Variants in BCAT1 observed in about 807,000 individuals in gnomAD.
BCAT1 encodes the protein branched chain amino acid transaminase 1, also known as branched-chain-amino-acid aminotransferase, cytosolic.
A neutral mutation model predicts 52.4 loss-of-function variants in BCAT1; 48 were observed. That is an observed-to-expected ratio of 0.92 (90% CI 0.73 to 1.16). The LOEUF is 1.16. Among genes scored for constraint, BCAT1 ranks in the 50% most tolerant of loss-of-function variants. The probability of loss-of-function intolerance (pLI) is 0.00; values close to 1 mark genes in which losing one functional copy is unlikely to be tolerated. For missense variants in BCAT1, 451 were observed against 457.1 expected, an observed-to-expected ratio of 0.99 and a Z score of 0.12; for synonymous variants, 167 against 161.3, an observed-to-expected ratio of 1.04 and a Z score of -0.27.
chr12:24,927,338 A>T (rs954324763), intron 1 of BCAT1, among the ~76,000 whole-genome samples: 7 of 152,150 alleles, frequency 4.6e-5, no homozygotes, highest in Non-Finnish European at 1.0e-4. Flanking sequence ...GAAAAGAAAA[A>T]AATCAAGTTA....
At chr12:24,949,125 A>T (rs1943984166), upstream of BCAT1, 9 of 593,350 alleles carry the variant, frequency 1.5e-5, no homozygotes, top group Non-Finnish European at 2.7e-5. Context: ...CGCGGCGGAG[A>T]CTCGCGACCT....
intron 1 of BCAT1, among the ~76,000 whole-genome samples, chr12:24,936,693 T>C (rs964849482): frequency 6.6e-6 from 1 of 150,412 alleles, no homozygotes; most frequent in Non-Finnish European, 1.5e-5. Context: ...GATCAAGTAA[T>C]GGAGCTCTTT....
chr12:24,849,862 T>TA lies in BCAT1; in HGVS notation c.597dup (p.Asn200Ter), dbSNP rs1481546325. On this transcript the variant is annotated frameshift_variant, in exon 6 of 11. Coordinates refer to ENST00000261192, the MANE Select transcript of BCAT1 (RefSeq NM_005504.7). LOFTEE classifies it high-confidence loss of function. The stretch of plus-strand genomic sequence containing the variant: ...GGATTGGCCCACAGGGACACTGGAT[T>TA]AAAGGTTCCACTTGAAAAATAAGGT... 3.1e-6 allele frequency: 5 copies of TA among 1,613,708 alleles called. No homozygotes were observed. Among genetic ancestry groups the TA allele is most frequent in the Non-Finnish European group, 4.2e-6 (5 of 1,179,786 alleles).
intron 1 of BCAT1, chr12:24,945,869 G>A (rs949558355): frequency 5.9e-5 from 9 of 152,072 alleles, no homozygotes; most frequent in African/African-American, 1.7e-4. Flanking sequence ...AGAAAGTAGA[G>A]GATAGCTGGC....
chr12:24,921,363 C>T (rs1056783241), intron 1 of BCAT1, among the ~76,000 whole-genome samples: 2 of 152,180 alleles, frequency 1.3e-5, no homozygotes, highest in Admixed American at 1.3e-4. Flanking sequence ...TTCCTCAGAT[C>T]GCTAGAGCAG....
chr12:24,877,069 T>C (rs1212121799), intron 5 of BCAT1, among the ~76,000 whole-genome samples: 1 of 152,184 alleles, frequency 6.6e-6, no homozygotes, highest in East Asian at 1.9e-4. Context: ...ATTCACGAAA[T>C]TCATTATCTA....
At chr12:24,922,687 A>G (rs1943515558) in intron 1 of BCAT1, among the ~76,000 whole-genome samples, 1 of 152,078 alleles carries the variant, frequency 6.6e-6, no homozygotes, top group Non-Finnish European at 1.5e-5. Context: ...CCTGGCCAAC[A>G]TGGTGAAACC....
intron 6 of BCAT1, among the ~76,000 whole-genome samples, chr12:24,844,363 G>A (rs1013602236): frequency 1.3e-5 from 2 of 151,974 alleles, no homozygotes; most frequent in Non-Finnish European, 2.9e-5. Flanking sequence ...CTCGGGAGGC[G>A]GAGGTTGCAG....
At chr12:24,947,721 C>T (rs1394407521) in intron 1 of BCAT1, among the ~76,000 whole-genome samples, 1 of 152,176 alleles carries the variant, frequency 6.6e-6, no homozygotes, top group African/African-American at 2.4e-5. Flanking sequence ...GCGTAATTAA[C>T]CACAACTGCA....
chr12:24,888,902 T>C (rs1942760536), intron 3 of BCAT1, among the ~76,000 whole-genome samples: 1 of 152,200 alleles, frequency 6.6e-6, no homozygotes, highest in South Asian at 2.1e-4. Context: ...CGGCTCCATC[T>C]TCCCTTCTCT....
chr12:24,871,469 C>T (rs1197804919), intron 5 of BCAT1, among the ~76,000 whole-genome samples: 1 of 152,152 alleles, frequency 6.6e-6, no homozygotes, highest in Non-Finnish European at 1.5e-5. Context: ...ACAATGAAAT[C>T]TGTAGGACAA....
chr12:24,871,682 G>T (rs1224490831), intron 5 of BCAT1, among the ~76,000 whole-genome samples: 1 of 152,096 alleles, frequency 6.6e-6, no homozygotes, highest in East Asian at 1.9e-4. Context: ...CATGAATCAG[G>T]AGCATAATTA....
intron 1 of BCAT1, among the ~76,000 whole-genome samples, chr12:24,942,857 T>C (rs1423756788): frequency 6.6e-6 from 1 of 152,258 alleles, no homozygotes; most frequent in African/African-American, 2.4e-5. Context: ...CTATACACCT[T>C]AGATCTTGAT....
chr12:24,880,777 C>G (rs927426866), intron 4 of BCAT1, among the ~76,000 whole-genome samples: 1 of 151,946 alleles, frequency 6.6e-6, no homozygotes, highest in East Asian at 1.9e-4. Context: ...GAATCCCCCA[C>G]AGACACTGAT....
chr12:24,898,519 A>AATTTTT, intron 2 of BCAT1, among the ~76,000 whole-genome samples: 1 of 24,036 alleles, frequency 4.2e-5, no homozygotes, highest in Admixed American at 5.5e-4. Flanking sequence ...TTCAGTCAAC[A>AATTTTT]CTTTTTTTTT....
intron 10 of BCAT1, among the ~76,000 whole-genome samples, chr12:24,827,927 C>G (rs181885262): frequency 4.6e-5 from 7 of 152,094 alleles, no homozygotes; most frequent in Non-Finnish European, 7.4e-5. Flanking sequence ...TTTTATTTCC[C>G]TTTTTTTAGA....
chr12:24,874,249 G>T (rs1245592158), intron 5 of BCAT1, among the ~76,000 whole-genome samples: 1 of 152,176 alleles, frequency 6.6e-6, no homozygotes, highest in Non-Finnish European at 1.5e-5. Context: ...GGGAAGCAGA[G>T]GTTGCAATGA....
chr12:24,910,378 A>AAAATAAATAAATAAAT (rs57340584), intron 1 of BCAT1, among the ~76,000 whole-genome samples: 1 of 146,136 alleles, frequency 6.8e-6, no homozygotes, highest in Non-Finnish European at 1.5e-5. Context: ...CTCTGTCTCA[A>AAAATAAATAAATAAAT]AAATAAATAA....
rs1229016935 is a variant in BCAT1, at chr12:24,949,075, G to A, written c.-143C>T. 3 of 751,498 alleles carry A rather than the reference G, an allele frequency of 4.0e-6. No homozygotes were observed. In the East Asian group the frequency reaches 8.5e-5, roughly 21 times the overall value. 46.6% of individuals were successfully genotyped at this position (751,498 alleles called of 1,614,324 possible). On this transcript the variant is annotated 5_prime_UTR_variant, in exon 1 of 11. Coordinates refer to ENST00000261192, the MANE Select transcript of BCAT1 (RefSeq NM_005504.7). Reference sequence around the variant, plus strand: ...ACCTGGGGCAGTGCCCGAGGCGGCGGCGAGTACACGTGGCGGGCTGGATTG... The same window carrying A: ...ACCTGGGGCAGTGCCCGAGGCGGCGACGAGTACACGTGGCGGGCTGGATTG...
Sources: gnomAD v4.1 joint callset for allele counts (sites outside exome capture counted in the v4.1 genomes callset) on GRCh38, gnomAD v4.1.1 for gene constraint, MANE v1.5 for transcripts, NCBI Gene and HGNC (gene_info 2026-07-23, HGNC 2026-07-21) for gene names.